TTC7A: variants seen among roughly 807,000 people sequenced by gnomAD.
TTC7A encodes tetratricopeptide repeat domain 7A.
TTC7A carries 110 observed loss-of-function variants against 103.7 expected under a neutral mutation model. The observed-to-expected ratio is 1.06, with a 90% confidence interval of 0.91 to 1.24. TTC7A has a LOEUF of 1.24. Among genes scored for constraint, TTC7A ranks in the 50% most tolerant of loss-of-function variants. TTC7A has a pLI of 0.00. For missense variants in TTC7A, 1,340 were observed against 1,116.3 expected (o/e 1.20, Z -2.86); for synonymous variants, 521 against 467.9 (o/e 1.11, Z -1.47).
chr2:47,012,329 C>T (rs956332218), intron 11 of TTC7A, among the ~76,000 whole-genome samples: 29 of 152,234 alleles, frequency 1.9e-4, no homozygotes, highest in Admixed American at 9.8e-4. Flanking sequence ...ACAGAGCAAG[C>T]GCATTCTCCC....
At chr2:47,027,649 T>C (rs548218861) in intron 14 of TTC7A, among the ~76,000 whole-genome samples, 5 of 152,282 alleles carry the variant, frequency 3.3e-5, no homozygotes, top group African/African-American at 1.2e-4. Flanking sequence ...ATAGGACCCC[T>C]CCACTTGCCA....
chr2:46,916,061 G>C (rs1295783087), upstream of TTC7A: 2 of 985,338 alleles, frequency 2.0e-6, no homozygotes, highest in Admixed American at 1.2e-4. Flanking sequence ...GCTAGGCAAC[G>C]CCGGAAGCCC....
chr2:46,977,419 G>A (rs1673988484), intron 4 of TTC7A, among the ~76,000 whole-genome samples: 1 of 152,204 alleles, frequency 6.6e-6, no homozygotes, highest in African/African-American at 2.4e-5. Context: ...TTAGACAAAG[G>A]AAATGGTATA....
At chr2:46,984,891 G>A (rs1035548845) in intron 5 of TTC7A, among the ~76,000 whole-genome samples, 1 of 152,154 alleles carries the variant, frequency 6.6e-6, no homozygotes, top group African/African-American at 2.4e-5. Context: ...GCAGCCCGTG[G>A]GTGTGTGGGA....
rs1173082191 is a variant in TTC7A, at chr2:47,050,181, G to A, written c.2017+135G>A. On this transcript the variant is annotated intron_variant, in intron 17 of 19. Coordinates refer to ENST00000319190, the MANE Select transcript of TTC7A (RefSeq NM_020458.4). ...CCACCACTGGCTCCTTGCCAGCTCGGGCAACTTCTGGGGCTGATCTTGGCT... is the reference window on the plus strand; with the variant it reads ...CCACCACTGGCTCCTTGCCAGCTCGAGCAACTTCTGGGGCTGATCTTGGCT... The A allele has an allele frequency of 5.5e-6, 4 of 721,730 alleles. No individual in the cohort carries two copies. The East Asian group carries it at 8.1e-5, about 15-fold the overall frequency. 44.7% of individuals were successfully genotyped at this position (721,730 alleles called of 1,614,324 possible).
intron 19 of TTC7A, among the ~76,000 whole-genome samples, chr2:47,072,301 C>G (rs750946146): frequency 3.9e-5 from 6 of 152,220 alleles, no homozygotes; most frequent in Non-Finnish European, 8.8e-5. Context: ...TTCCTTGCTA[C>G]GGCTTTGCCC....
chr2:47,014,529 G>A (rs1477057822), intron 11 of TTC7A, among the ~76,000 whole-genome samples: 1 of 152,196 alleles, frequency 6.6e-6, no homozygotes, highest in Non-Finnish European at 1.5e-5. Context: ...ACCATCCCTA[G>A]TTCTACAGGG....
chr2:46,955,579 G>T (rs1368788002), intron 2 of TTC7A, among the ~76,000 whole-genome samples: 1 of 152,184 alleles, frequency 6.6e-6, no homozygotes, highest in Non-Finnish European at 1.5e-5. Flanking sequence ...CCAGGGGGAA[G>T]GGGACCTGAG....
In TTC7A at chr2:46,958,354, G is replaced by T. The variant is rs550428316; in HGVS notation, c.517+1347G>T. 9.1e-6 allele frequency: 5 copies of T among 550,652 alleles called. 1 individual carries two copies. Among genetic ancestry groups the T allele is most frequent in the South Asian group, 6.1e-5 (4 of 65,110 alleles). The allele number at this position is 550,652 out of a possible 1,614,324, so 34.1% of individuals were successfully genotyped here. On this transcript the variant is annotated intron_variant, in intron 3 of 19. Coordinates refer to ENST00000319190, the MANE Select transcript of TTC7A (RefSeq NM_020458.4). ...GGGGTGATCTGCATTTGGCATTTGGGTCTTTCGGGTCTCTTAGAAACCCCT... is the reference window on the plus strand; with the variant it reads ...GGGGTGATCTGCATTTGGCATTTGGTTCTTTCGGGTCTCTTAGAAACCCCT...
intron 2 of TTC7A, among the ~76,000 whole-genome samples, chr2:46,931,668 G>A (rs1486704595): frequency 1.3e-5 from 2 of 148,366 alleles, no homozygotes; most frequent in Non-Finnish European, 3.0e-5. Context: ...CTGGTTCTTT[G>A]GGGGAAAAAA....
At chr2:47,072,156 T>A (rs1684789807) in intron 19 of TTC7A, among the ~76,000 whole-genome samples, 1 of 152,190 alleles carries the variant, frequency 6.6e-6, no homozygotes, top group Admixed American at 6.5e-5. Flanking sequence ...GCCTGGCCAC[T>A]ACCCTTGGTC....
chr2:47,002,717 C>T (rs1676952722), intron 8 of TTC7A, among the ~76,000 whole-genome samples: 1 of 152,174 alleles, frequency 6.6e-6, no homozygotes, highest in African/African-American at 2.4e-5. Context: ...CACCAGCCCC[C>T]ATGCCTGCCT....
intron 2 of TTC7A, among the ~76,000 whole-genome samples, chr2:46,929,936 T>C (rs1412510196): frequency 1.3e-5 from 2 of 152,204 alleles, no homozygotes; most frequent in Non-Finnish European, 2.9e-5. Context: ...GTCAATGTTT[T>C]AGACAGTGGC....
At chr2:47,036,918 A>C (rs924974265) in intron 15 of TTC7A, among the ~76,000 whole-genome samples, 1 of 152,198 alleles carries the variant, frequency 6.6e-6, no homozygotes, top group Non-Finnish European at 1.5e-5. Context: ...GGAGACCTAG[A>C]TCACTCAGCA....
intron 18 of TTC7A, among the ~76,000 whole-genome samples, chr2:47,052,892 G>C (rs989044675): frequency 6.6e-6 from 1 of 152,194 alleles, no homozygotes; most frequent in Non-Finnish European, 1.5e-5. Context: ...TCCCCAGGGG[G>C]GGAGTTGGAG....
At chr2:47,019,671 C>G in intron 11 of TTC7A, among the ~76,000 whole-genome samples, 1 of 152,038 alleles carries the variant, frequency 6.6e-6, no homozygotes, top group South Asian at 2.1e-4. Flanking sequence ...GATACTTTGC[C>G]AGTATCTGCT....
chr2:46,969,796 C>A (rs1053408014), intron 3 of TTC7A, among the ~76,000 whole-genome samples: 2 of 152,140 alleles, frequency 1.3e-5, no homozygotes, highest in Admixed American at 1.3e-4. Flanking sequence ...TCTATGCATC[C>A]GTCTGCATGC....
chr2:47,047,872 C>A (rs994212367), intron 16 of TTC7A, among the ~76,000 whole-genome samples: 1 of 152,150 alleles, frequency 6.6e-6, no homozygotes, highest in South Asian at 2.1e-4. Flanking sequence ...ATCTGTGGCC[C>A]CAAGTTTAGA....
chr2:47,012,338 C>T (rs1480799142), intron 11 of TTC7A, among the ~76,000 whole-genome samples: 1 of 152,228 alleles, frequency 6.6e-6, no homozygotes, highest in East Asian at 1.9e-4. Context: ...GCGCATTCTC[C>T]CTCCCACATG....
Sources: gnomAD v4.1 joint callset for allele counts (sites outside exome capture counted in the v4.1 genomes callset) on GRCh38, gnomAD v4.1.1 for gene constraint, MANE v1.5 for transcripts, NCBI Gene and HGNC (gene_info 2026-07-23, HGNC 2026-07-21) for gene names.